The following CNTNAP5 variants were observed in gnomAD, a reference collection of about 807,000 sequenced individuals.
CNTNAP5 encodes the protein contactin-associated protein-like 5.
CNTNAP5 carries 72 observed loss-of-function variants against 150.2 expected under a neutral mutation model. The ratio of observed to expected loss-of-function variants is 0.48; its 90% CI spans 0.40 to 0.58. The LOEUF is 0.58. CNTNAP5 is among the 20% of genes least tolerant of loss of function. The pLI, the probability that CNTNAP5 is intolerant of heterozygous loss-of-function variation, is 0.00. For missense variants in CNTNAP5, 1,636 were observed against 1,626.2 expected (o/e 1.01, Z -0.10); for synonymous variants, 672 against 619.8 (o/e 1.08, Z -1.25).
At chr2:124,911,256 CA>C (rs763893463) in intron 22 of CNTNAP5, among the ~76,000 whole-genome samples, 2 of 151,964 alleles carry the variant, frequency 1.3e-5, no homozygotes, top group Non-Finnish European at 2.9e-5. Context: ...CATAAACAAA[CA>C]GGGCCATTGA....
At chr2:124,658,712 C>T (rs1278294277) in intron 13 of CNTNAP5, among the ~76,000 whole-genome samples, 1 of 152,136 alleles carries the variant, frequency 6.6e-6, no homozygotes, top group Non-Finnish European at 1.5e-5. Context: ...ATTACTGTAG[C>T]ATATGTTTGT....
chr2:124,814,554 G>T (rs1001662305), intron 19 of CNTNAP5, among the ~76,000 whole-genome samples: 1 of 151,510 alleles, frequency 6.6e-6, no homozygotes, highest in African/African-American at 2.4e-5. Flanking sequence ...AATTGCTTAA[G>T]AGCTTCTTTT....
At chr2:124,468,412 T>C (rs1693431320) in intron 6 of CNTNAP5, among the ~76,000 whole-genome samples, 1 of 152,070 alleles carries the variant, frequency 6.6e-6, no homozygotes, top group African/African-American at 2.4e-5. Flanking sequence ...CAGAGTCTGA[T>C]ATTCAAGAGC....
At chr2:124,606,566 T>A (rs1369139326) in intron 11 of CNTNAP5, among the ~76,000 whole-genome samples, 3 of 152,158 alleles carry the variant, frequency 2.0e-5, no homozygotes, top group Admixed American at 6.5e-5. Flanking sequence ...TAGTCCGTTT[T>A]CACGCTGCTG....
At position 124,554,422 on chromosome 2, in the gene CNTNAP5, C is replaced by CTTT. The variant is rs5834078; in HGVS notation, c.1650-8781_1650-8779dup. Reference sequence around the variant, plus strand: ...TAAATCAGTTGTCTCATACTTTTTTCTTTTTTTTTTTTTTTTGAGACAGGG... The same window carrying CTTT: ...TAAATCAGTTGTCTCATACTTTTTTCTTTTTTTTTTTTTTTTTTTGAGACAGGG... On this transcript the variant is annotated intron_variant, in intron 10 of 23. Transcript: ENST00000682447. Among the ~76,000 whole-genome samples, 206 of 137,100 alleles carry CTTT rather than the reference C, an allele frequency of 1.5e-3. 1 individual carries two copies. The highest frequency in any genetic ancestry group is 6.4e-3 in the East Asian group (30 of 4,704). The allele number at this position is 137,100 out of a possible 152,430, so 89.9% of individuals were successfully genotyped here.
At chr2:124,806,832 T>C (rs1573629740) in intron 19 of CNTNAP5, among the ~76,000 whole-genome samples, 1 of 152,080 alleles carries the variant, frequency 6.6e-6, no homozygotes, top group African/African-American at 2.4e-5. Flanking sequence ...GAAACTCACT[T>C]GAAAGATGTG....
intron 1 of CNTNAP5, among the ~76,000 whole-genome samples, chr2:124,055,697 T>C (rs1427412451): frequency 6.6e-6 from 1 of 152,186 alleles, no homozygotes; most frequent in Non-Finnish European, 1.5e-5. Context: ...TCTATGACCT[T>C]GACCACCTAC....
intron 3 of CNTNAP5, among the ~76,000 whole-genome samples, chr2:124,412,369 GA>G (rs1158746528): frequency 6.8e-6 from 1 of 147,838 alleles, no homozygotes; most frequent in Non-Finnish European, 1.5e-5. Context: ...CGCAGAATTG[GA>G]AAAAACTACT....
In CNTNAP5 at chr2:124,261,208, T is replaced by G. The variant is rs138474931; in HGVS notation, c.381+18815T>G. ...TCAGTGAATCTTATTACTAAAGAGG[T>G]AGTGGCTATTCTGTGTTGGGACTCA... On this transcript the variant is annotated intron_variant, in intron 3 of 23. Coordinates refer to ENST00000682447, the MANE Select transcript of CNTNAP5 (RefSeq NM_001367498.1). 2.9e-3 allele frequency among the ~76,000 whole-genome samples: 435 copies of G among 152,206 alleles called. 1 individual carries two copies. Among genetic ancestry groups the G allele is most frequent in the African/African-American group, 0.01 (420 of 41,542 alleles).
At chr2:124,042,457 C>T (rs910438129) in intron 1 of CNTNAP5, among the ~76,000 whole-genome samples, 5 of 152,118 alleles carry the variant, frequency 3.3e-5, no homozygotes, top group African/African-American at 1.2e-4. Context: ...CCTGGCTGTA[C>T]TGTCCTCATA....
chr2:124,332,583 A>C (rs1000396620), intron 3 of CNTNAP5, among the ~76,000 whole-genome samples: 2 of 151,620 alleles, frequency 1.3e-5, no homozygotes, highest in African/African-American at 4.8e-5. Flanking sequence ...ATTTCATCTT[A>C]CTTGGAAATG....
At chr2:124,391,628 G>C (rs1481421820) in intron 3 of CNTNAP5, among the ~76,000 whole-genome samples, 1 of 152,182 alleles carries the variant, frequency 6.6e-6, no homozygotes, top group African/African-American at 2.4e-5. Flanking sequence ...TGACAGTCTT[G>C]TGAATCCAGA....
intron 21 of CNTNAP5, among the ~76,000 whole-genome samples, chr2:124,883,078 T>A (rs1013713152): frequency 4.0e-5 from 6 of 151,416 alleles, no homozygotes; most frequent in Non-Finnish European, 7.4e-5. Context: ...CTCTTTTTTT[T>A]TTTTTTTTTT....
intron 12 of CNTNAP5, among the ~76,000 whole-genome samples, chr2:124,635,243 G>A (rs1357415900): frequency 6.6e-6 from 1 of 152,170 alleles, no homozygotes; most frequent in Admixed American, 6.5e-5. Context: ...GCAGGAGAAA[G>A]AGAGGTTGTA....
At chr2:124,643,569 C>T (rs981108211) in intron 12 of CNTNAP5, among the ~76,000 whole-genome samples, 1 of 152,146 alleles carries the variant, frequency 6.6e-6, no homozygotes, top group African/African-American at 2.4e-5. Context: ...GTCCATCGCA[C>T]TTGTTAACCT....
At chr2:124,637,250 A>G (rs1361281516) in intron 12 of CNTNAP5, among the ~76,000 whole-genome samples, 5 of 152,154 alleles carry the variant, frequency 3.3e-5, no homozygotes, top group African/African-American at 1.2e-4. Flanking sequence ...TGGAAGGCCC[A>G]ACTCCCTGAC....
At chr2:124,032,949 G>A (rs1190198336) in intron 1 of CNTNAP5, among the ~76,000 whole-genome samples, 1 of 152,178 alleles carries the variant, frequency 6.6e-6, no homozygotes, top group Non-Finnish European at 1.5e-5. Flanking sequence ...TAAGGAATGT[G>A]TAATTAAACC....
chr2:124,785,041 G>GAAAAAAAAAAAAAAAAAAAA (rs67254743), intron 17 of CNTNAP5, among the ~76,000 whole-genome samples: 2 of 123,518 alleles, frequency 1.6e-5, no homozygotes. Flanking sequence ...TTAAGGCTGA[G>GAAAAAAAAAAAAAAAAAAAA]AAAAAAAAAA....
chr2:124,895,881 C>A (rs1678293761), intron 21 of CNTNAP5, among the ~76,000 whole-genome samples: 1 of 151,460 alleles, frequency 6.6e-6, no homozygotes, highest in Non-Finnish European at 1.5e-5. Context: ...GACTTTCAGT[C>A]TGGCACCTGA....
Sources: gnomAD v4.1 joint callset for allele counts (sites outside exome capture counted in the v4.1 genomes callset) on GRCh38, gnomAD v4.1.1 for gene constraint, MANE v1.5 for transcripts, NCBI Gene and HGNC (gene_info 2026-07-23, HGNC 2026-07-21) for gene names.